The following SGK1 variants were observed in gnomAD, a reference collection of about 807,000 sequenced individuals.
SGK1 encodes serum/glucocorticoid regulated kinase 1.
Under a neutral mutation model 64.2 loss-of-function variants are expected in SGK1, and 26 were observed. The ratio of observed to expected loss-of-function variants is 0.40; its 90% CI spans 0.30 to 0.56. The LOEUF (loss-of-function observed/expected upper bound fraction) is 0.56. Among genes scored for constraint, SGK1 ranks in the 20% least tolerant of loss-of-function variants. The probability of loss-of-function intolerance (pLI) is 0.38; values close to 1 mark genes in which losing one functional copy is unlikely to be tolerated. For missense variants in SGK1, 519 were observed against 645.6 expected (o/e 0.80, Z 2.12); for synonymous variants, 265 against 239.7 (o/e 1.11, Z -0.98).
intron 3 of SGK1, among the ~76,000 whole-genome samples, chr6:134,192,850 C>T (rs551807278): frequency 9.8e-5 from 15 of 152,286 alleles, no homozygotes; most frequent in Admixed American, 7.9e-4. Context: ...GGAGCCACTG[C>T]GCCCTCCTGG....
At chr6:134,257,555 G>A (rs1776703956) in intron 2 of SGK1, among the ~76,000 whole-genome samples, 1 of 151,898 alleles carries the variant, frequency 6.6e-6, no homozygotes, top group Admixed American at 6.6e-5. Flanking sequence ...TAATTTTATT[G>A]TACTTTTCCT....
chr6:134,225,909 C>T (rs1239242263), intron 2 of SGK1, among the ~76,000 whole-genome samples: 3 of 150,648 alleles, frequency 2.0e-5, no homozygotes, highest in African/African-American at 4.9e-5. Context: ...TCCATCTCTA[C>T]CAAAAAAACA....
chr6:134,275,451 T>TA (rs1212168371), intron 1 of SGK1, among the ~76,000 whole-genome samples: 1 of 152,224 alleles, frequency 6.6e-6, no homozygotes, highest in South Asian at 2.1e-4. Flanking sequence ...TCCTCATCTC[T>TA]AGCAGCAGTG....
chr6:134,190,658 TTTGA>T (rs1226503021), intron 3 of SGK1, among the ~76,000 whole-genome samples: 1 of 152,200 alleles, frequency 6.6e-6, no homozygotes, highest in Non-Finnish European at 1.5e-5. Context: ...TTCTTAGGGC[TTTGA>T]TTTTCTTGAG....
At chr6:134,206,375 A>T (rs1562250416) in intron 3 of SGK1, among the ~76,000 whole-genome samples, 8 of 4,242 alleles carry the variant, frequency 1.9e-3, no homozygotes, top group South Asian at 0.011. Context: ...ATATATATAT[A>T]TATATATATT....
At chr6:134,268,058 G>A (rs1207808873) in intron 1 of SGK1, among the ~76,000 whole-genome samples, 4 of 152,202 alleles carry the variant, frequency 2.6e-5, no homozygotes, top group Non-Finnish European at 5.9e-5. Context: ...AGAGTGGCTG[G>A]ACCGACCCAG....
chr6:134,188,356 A>G (rs2114661870), intron 3 of SGK1, among the ~76,000 whole-genome samples: 1 of 152,206 alleles, frequency 6.6e-6, no homozygotes, highest in Non-Finnish European at 1.5e-5. Context: ...ATAAATTGGT[A>G]TATAATCGCA....
At chr6:134,216,865 G>T (rs1332964709) in intron 2 of SGK1, among the ~76,000 whole-genome samples, 1 of 152,174 alleles carries the variant, frequency 6.6e-6, no homozygotes, top group Non-Finnish European at 1.5e-5. Flanking sequence ...TGTCCTCTCT[G>T]GGTGGGACAG....
chr6:134,265,574 TATACA>T (rs1562268954), intron 1 of SGK1, among the ~76,000 whole-genome samples: 6 of 146,558 alleles, frequency 4.1e-5, no homozygotes, highest in African/African-American at 1.5e-4. Flanking sequence ...CATATATATT[TATACA>T]TATACATATA....
chr6:134,262,896 T>C (rs1201497972), intron 1 of SGK1, among the ~76,000 whole-genome samples: 3 of 152,046 alleles, frequency 2.0e-5, no homozygotes, highest in Non-Finnish European at 4.4e-5. Flanking sequence ...ATAACTTTTT[T>C]TTTTTTTTAA....
At chr6:134,297,152 G>A in intron 1 of SGK1, 1 of 618,260 alleles carries the variant, frequency 1.6e-6, no homozygotes, top group Non-Finnish European at 3.0e-6. Context: ...CATAGGCTGA[G>A]CACAGACCAC....
At chr6:134,289,073 A>G (rs900647861) in intron 1 of SGK1, among the ~76,000 whole-genome samples, 2 of 152,190 alleles carry the variant, frequency 1.3e-5, no homozygotes, top group East Asian at 1.9e-4. Flanking sequence ...CTCTGCAATA[A>G]AAGTTCTTGT....
chr6:134,201,416 C>T (rs1364842630), intron 3 of SGK1, among the ~76,000 whole-genome samples: 1 of 151,316 alleles, frequency 6.6e-6, no homozygotes, highest in Non-Finnish European at 1.5e-5. Flanking sequence ...GGCTGGAGTA[C>T]AGTGGCCCAA....
intron 2 of SGK1, among the ~76,000 whole-genome samples, chr6:134,248,750 C>G (rs1021701772): frequency 5.3e-5 from 8 of 152,234 alleles, no homozygotes; most frequent in East Asian, 1.9e-4. Flanking sequence ...CTCCCTAACT[C>G]TGATCCAGGT....
intron 2 of SGK1, among the ~76,000 whole-genome samples, chr6:134,236,025 C>G (rs1776359842): frequency 6.6e-6 from 1 of 152,066 alleles, no homozygotes; most frequent in Non-Finnish European, 1.5e-5. Flanking sequence ...GCCACATGCT[C>G]CATCCTCACA....
At chr6:134,170,472 TCA>T in intron 13 of SGK1, 37 bp from the exon 14 acceptor site, 1 of 1,584,548 alleles carries the variant, frequency 6.3e-7, no homozygotes, top group South Asian at 1.1e-5. Context: ...TGTCAAGAAC[TCA>T]CACTAGACAC....
intron 3 of SGK1, among the ~76,000 whole-genome samples, chr6:134,193,831 A>G (rs1582701892): frequency 2.4e-5 from 1 of 41,930 alleles, no homozygotes; most frequent in Non-Finnish European, 4.3e-5. Context: ...AGGAGAGGGG[A>G]GGGAAGGGGA....
intron 1 of SGK1, among the ~76,000 whole-genome samples, chr6:134,288,951 G>A (rs1777223969): frequency 6.6e-6 from 1 of 152,160 alleles, no homozygotes; most frequent in Non-Finnish European, 1.5e-5. Flanking sequence ...CATAGTAAGA[G>A]CCTACAAAGG....
intron 3 of SGK1, 122 bp from the exon 4 acceptor site, chr6:134,174,708 G>C: frequency 6.2e-7 from 1 of 1,613,944 alleles, no homozygotes; most frequent in South Asian, 1.1e-5. Context: ...TGGAGCAGAA[G>C]TCCCGCAAGA....
Sources: allele counts gnomAD v4.1 joint callset (sites outside exome capture counted in the v4.1 genomes callset), GRCh38; gene constraint gnomAD v4.1.1; transcripts MANE v1.5; gene names NCBI Gene and HGNC (gene_info 2026-07-23, HGNC 2026-07-21).